PEX5L: variants seen among roughly 807,000 people sequenced by gnomAD.
The protein encoded by PEX5L is PEX5-related protein.
PEX5L carries 30 observed loss-of-function variants against 84.0 expected under a neutral mutation model. The ratio of observed to expected loss-of-function variants is 0.36; its 90% CI spans 0.27 to 0.48. The LOEUF (loss-of-function observed/expected upper bound fraction) is 0.48, where lower values mean the gene tolerates loss of function less well. Among genes scored for constraint, PEX5L ranks in the 20% least tolerant of loss-of-function variants. The pLI is 0.99. For synonymous variants in PEX5L, 270 were observed against 283.1 expected (o/e 0.95, Z 0.46); for missense variants, 533 against 754.6 (o/e 0.71, Z 3.44).
chr3:179,810,784 T>G (rs1052664662), intron 11 of PEX5L, among the ~76,000 whole-genome samples: 1 of 152,152 alleles, frequency 6.6e-6, no homozygotes, highest in Non-Finnish European at 1.5e-5. Flanking sequence ...TATTGCTGCT[T>G]GGTTCCCAGC....
chr3:179,922,643 G>A (rs1160855987), intron 2 of PEX5L, among the ~76,000 whole-genome samples: 4 of 151,446 alleles, frequency 2.6e-5, no homozygotes, highest in Admixed American at 2.0e-4. Context: ...TAGTAGAGAC[G>A]GGGTCTCACC....
chr3:179,941,709 G>T (rs1216244732), intron 2 of PEX5L, among the ~76,000 whole-genome samples: 1 of 152,144 alleles, frequency 6.6e-6, no homozygotes, highest in East Asian at 1.9e-4. Context: ...TATAAGAATA[G>T]AATATTTCTC....
intron 8 of PEX5L, among the ~76,000 whole-genome samples, chr3:179,840,435 C>T (rs184719530): frequency 7.4e-4 from 113 of 152,098 alleles, no homozygotes; most frequent in African/African-American, 2.6e-3. Context: ...GTGATCCACT[C>T]ACCTCGGCCT....
intron 2 of PEX5L, among the ~76,000 whole-genome samples, chr3:179,908,363 G>A (rs1763971938): frequency 2.0e-5 from 3 of 152,182 alleles, no homozygotes; most frequent in Non-Finnish European, 4.4e-5. Flanking sequence ...GGAAGGCCAC[G>A]TGGCATGTTG....
At chr3:179,834,157 C>T (rs1419050787) in intron 8 of PEX5L, among the ~76,000 whole-genome samples, 1 of 152,178 alleles carries the variant, frequency 6.6e-6, no homozygotes, top group Non-Finnish European at 1.5e-5. Flanking sequence ...AGATTTTCAA[C>T]ATTTCACCTA....
chr3:179,878,850 A>G (rs1055115765), intron 5 of PEX5L, among the ~76,000 whole-genome samples: 1 of 152,098 alleles, frequency 6.6e-6, no homozygotes, highest in Non-Finnish European at 1.5e-5. Context: ...TCATTTTTCT[A>G]TCTCCCTACT....
intron 1 of PEX5L, among the ~76,000 whole-genome samples, chr3:180,005,239 C>T (rs560818102): frequency 9.2e-5 from 14 of 151,760 alleles, no homozygotes; most frequent in East Asian, 3.9e-4. Flanking sequence ...GATTGATGAG[C>T]GGGGATTTTA....
intron 1 of PEX5L, among the ~76,000 whole-genome samples, chr3:179,988,309 G>C (rs563042753): frequency 1.3e-5 from 2 of 152,040 alleles, no homozygotes; most frequent in South Asian, 2.1e-4. Flanking sequence ...GCTGAGGCAG[G>C]AGAATCGCTT....
chr3:179,836,643 A>C (rs1193013093), intron 8 of PEX5L, among the ~76,000 whole-genome samples: 1 of 152,174 alleles, frequency 6.6e-6, no homozygotes. Context: ...ACCTTTTCTA[A>C]ATTTTTAGAA....
At chr3:179,810,897 T>C (rs541941208) in intron 11 of PEX5L, among the ~76,000 whole-genome samples, 2 of 152,272 alleles carry the variant, frequency 1.3e-5, no homozygotes, top group Admixed American at 1.3e-4. Context: ...AACCACTGAC[T>C]CAGAGCTCCA....
At chr3:179,872,505 A>C (rs1750721834) in intron 7 of PEX5L, among the ~76,000 whole-genome samples, 1 of 152,204 alleles carries the variant, frequency 6.6e-6, no homozygotes, top group Admixed American at 6.5e-5. Context: ...TATGTTTTGG[A>C]GACAATATAG....
intron 2 of PEX5L, among the ~76,000 whole-genome samples, chr3:179,929,244 G>C (rs1204099365): frequency 1.3e-5 from 2 of 152,156 alleles, no homozygotes; most frequent in Non-Finnish European, 1.5e-5. Context: ...GCTGACAGCA[G>C]GGGGCAGCAG....
At chr3:179,932,224 C>T (rs1773311039) in intron 2 of PEX5L, among the ~76,000 whole-genome samples, 1 of 151,970 alleles carries the variant, frequency 6.6e-6, no homozygotes, top group Non-Finnish European at 1.5e-5. Flanking sequence ...GGGTTCAAAA[C>T]CTCAGGTATA....
At chr3:179,892,350 T>C (rs1757868264) in intron 3 of PEX5L, among the ~76,000 whole-genome samples, 1 of 152,188 alleles carries the variant, frequency 6.6e-6, no homozygotes, top group African/African-American at 2.4e-5. Context: ...GTGCCAACCA[T>C]TGAGTGCCTC....
intron 2 of PEX5L, 94 bp from the exon 3 acceptor site, chr3:179,898,340 A>T (rs982527026): frequency 2.4e-6 from 2 of 821,760 alleles, no homozygotes; most frequent in Non-Finnish European, 3.8e-6. Flanking sequence ...GCAATCCAAC[A>T]TAAATGAAGA....
rs745424002 is a variant in PEX5L, at chr3:179,875,509, G to A, written c.506-32C>T. The A allele has an allele frequency of 5.6e-6, 9 of 1,606,062 alleles. No individual in the cohort carries two copies. The Admixed American group carries it at 1.2e-4, about 21-fold the overall frequency. ...AGTACAGAGGAAGCAGGTGAGGCAG[G>A]TGGCGGCAGGGCGGGGTAGGGGGAG... On this transcript the variant is annotated intron_variant, in intron 5 of 14. Coordinates refer to ENST00000467460, the MANE Select transcript of PEX5L (RefSeq NM_016559.3).
At chr3:179,840,703 T>C (rs926735911) in intron 8 of PEX5L, among the ~76,000 whole-genome samples, 6 of 152,084 alleles carry the variant, frequency 3.9e-5, no homozygotes, top group African/African-American at 1.4e-4. Flanking sequence ...TCCATTAGTT[T>C]GGAGGTCTTT....
At chr3:179,807,651 C>T (rs1235494557) in intron 14 of PEX5L, 23 bp downstream of exon 14, 1 of 1,610,532 alleles carries the variant, frequency 6.2e-7, no homozygotes, top group African/African-American at 1.3e-5. Context: ...GGCCTTCATC[C>T]TTGGCCTGTT....
intron 3 of PEX5L, among the ~76,000 whole-genome samples, chr3:179,894,506 T>C (rs1391103685): frequency 6.6e-6 from 1 of 152,130 alleles, no homozygotes; most frequent in Non-Finnish European, 1.5e-5. Flanking sequence ...GCTAGACTTT[T>C]GTAAAATGTG....
Sources: gnomAD v4.1 joint callset for allele counts (sites outside exome capture counted in the v4.1 genomes callset) on GRCh38, gnomAD v4.1.1 for gene constraint, MANE v1.5 for transcripts, NCBI Gene and HGNC (gene_info 2026-07-23, HGNC 2026-07-21) for gene names.